Variants in LRP1B observed in about 807,000 individuals in gnomAD.
LRP1B encodes the protein low-density lipoprotein receptor-related protein 1B.
In LRP1B, 217 loss-of-function variants were observed where a neutral mutation model predicts 556.6. The observed-to-expected ratio is 0.39, with a 90% CI of 0.35 to 0.44. The LOEUF (loss-of-function observed/expected upper bound fraction) is 0.44, where lower values mean the gene tolerates loss of function less well. LRP1B is among the 20% of genes least tolerant of loss of function. The probability of loss-of-function intolerance (pLI) is 1.00; values close to 1 mark genes in which losing one functional copy is unlikely to be tolerated. For synonymous variants in LRP1B, 2,047 were observed against 1,865.8 expected, an observed-to-expected ratio of 1.10 and a Z score of -2.50; for missense variants, 5,053 against 5,620.8, an observed-to-expected ratio of 0.90 and a Z score of 3.23.
chr2:141,348,206 G>T lies in LRP1B; in HGVS notation c.344-93565C>A, dbSNP rs181979858. 1.6e-3 allele frequency among the ~76,000 whole-genome samples: 238 copies of T among 152,118 alleles called. 1 individual carries two copies. Among genetic ancestry groups the T allele is most frequent in the African/African-American group, 4.9e-3 (205 of 41,472 alleles). On this transcript the variant is annotated intron_variant, in intron 3 of 90. Transcript: ENST00000389484. ...TGTGTGGGTAAAAGGGAAATTTAGT[G>T]ACAAATATGTACCTGTAAGATTTGA...
rs189446290 is a variant in LRP1B, at chr2:141,896,864, G to T, written c.83-86463C>A. Among the ~76,000 whole-genome samples, 17 of 152,194 alleles carry T rather than the reference G, an allele frequency of 1.1e-4. 1 individual carries two copies. Among genetic ancestry groups the T allele is most frequent in the Admixed American group, 9.2e-4 (14 of 15,264 alleles). On this transcript the variant is annotated intron_variant, in intron 1 of 90. Transcript: ENST00000389484. Reference sequence around the variant, plus strand: ...ATCGAAATTGATTTGCCCCACATTGGTATCTCAGGGATGGAACTGGGCATA... The same window carrying T: ...ATCGAAATTGATTTGCCCCACATTGTTATCTCAGGGATGGAACTGGGCATA...
intron 2 of LRP1B, among the ~76,000 whole-genome samples, chr2:141,487,821 A>G (rs1046361508): frequency 2.6e-5 from 4 of 152,198 alleles, no homozygotes; most frequent in Non-Finnish European, 5.9e-5. Context: ...TACAGTGAAA[A>G]GCATGTTAAG....
chr2:141,460,479 A>C (rs905189078), intron 3 of LRP1B, among the ~76,000 whole-genome samples: 2 of 152,182 alleles, frequency 1.3e-5, no homozygotes, highest in Admixed American at 1.3e-4. Flanking sequence ...CAGGGTTTCA[A>C]CTGTCATTGG....
At chr2:141,500,356 T>C (rs1178816516) in intron 2 of LRP1B, among the ~76,000 whole-genome samples, 1 of 152,124 alleles carries the variant, frequency 6.6e-6, no homozygotes, top group Admixed American at 6.5e-5. Context: ...TTCTTTTCTG[T>C]GAAGCTCCTG....
intron 7 of LRP1B, among the ~76,000 whole-genome samples, chr2:141,129,465 A>G (rs1249259248): frequency 6.6e-6 from 1 of 152,032 alleles, no homozygotes; most frequent in Non-Finnish European, 1.5e-5. Flanking sequence ...TATGAAGACT[A>G]TACACAAAAG....
chr2:140,524,286 T>C (rs77094335), intron 49 of LRP1B, among the ~76,000 whole-genome samples: 3,872 of 151,870 alleles, frequency 0.025, 60 homozygotes, highest in Non-Finnish European at 0.038. Flanking sequence ...CATCTCATAG[T>C]AGTCAGAATG....
chr2:140,548,193 G>A (rs1680417973), intron 43 of LRP1B, among the ~76,000 whole-genome samples: 1 of 152,104 alleles, frequency 6.6e-6, no homozygotes, highest in South Asian at 2.1e-4. Context: ...GACGGGCTTG[G>A]AGAGATTTTG....
At chr2:141,254,732 T>C (rs373757) in intron 3 of LRP1B, 91 bp from the exon 4 acceptor site, 217,127 of 972,638 alleles carry the variant, frequency 0.22, 24,812 homozygotes, top group South Asian at 0.26. Flanking sequence ...ACTATAGTCT[T>C]GATTGTTCTC....
At chr2:140,519,969 T>C (rs946961293) in intron 49 of LRP1B, among the ~76,000 whole-genome samples, 1 of 152,080 alleles carries the variant, frequency 6.6e-6, no homozygotes, top group African/African-American at 2.4e-5. Flanking sequence ...AAACAACAGG[T>C]GCTGGAGAGG....
At chr2:141,704,486 A>C (rs1286738300) in intron 2 of LRP1B, among the ~76,000 whole-genome samples, 2 of 151,970 alleles carry the variant, frequency 1.3e-5, no homozygotes, top group Non-Finnish European at 2.9e-5. Flanking sequence ...TTTGAAATTT[A>C]AGATTTCAAC....
At chr2:141,831,702 A>G (rs1321935549) in intron 1 of LRP1B, among the ~76,000 whole-genome samples, 2 of 151,684 alleles carry the variant, frequency 1.3e-5, no homozygotes, top group African/African-American at 4.8e-5. Flanking sequence ...TTTGTCAGGT[A>G]TAAAATAGGA....
intron 77 of LRP1B, among the ~76,000 whole-genome samples, chr2:140,345,817 TACATATATAC>T (rs1450243205): frequency 1.5e-5 from 2 of 134,820 alleles, no homozygotes; most frequent in African/African-American, 5.5e-5. Context: ...CACATATATA[TACATATATAC>T]ATATATATAT....
rs138078093 is a variant in LRP1B at position 141,851,160 on chromosome 2, G to A, written c.83-40759C>T. On this transcript the variant is annotated intron_variant, in intron 1 of 90. Transcript: ENST00000389484. ...ATAAAAATGCATAGAAATCACTGGC[G>A]TATATTCATTTGGCAAATGTTTGAA... 5.9e-4 allele frequency among the ~76,000 whole-genome samples: 89 copies of A among 151,820 alleles called. No individual in the cohort carries two copies. The East Asian group carries it at 0.013, about 22-fold the overall frequency.
intron 7 of LRP1B, among the ~76,000 whole-genome samples, chr2:141,170,926 A>G (rs552089687): frequency 1.3e-5 from 2 of 152,144 alleles, no homozygotes; most frequent in African/African-American, 2.4e-5. Flanking sequence ...TTCTGAAATT[A>G]GTCATCTGTT....
chr2:140,882,197 C>T (rs1243561290), intron 25 of LRP1B, among the ~76,000 whole-genome samples: 4 of 152,130 alleles, frequency 2.6e-5, no homozygotes, highest in African/African-American at 9.7e-5. Context: ...AAAACCCTTA[C>T]ATCAGTAGTT....
At chr2:141,775,386 A>G (rs1695030541) in intron 2 of LRP1B, among the ~76,000 whole-genome samples, 1 of 152,166 alleles carries the variant, frequency 6.6e-6, no homozygotes. Context: ...TTTCATATAT[A>G]TGTGTGGTTC....
intron 2 of LRP1B, among the ~76,000 whole-genome samples, chr2:141,626,603 T>C (rs1034081321): frequency 2.0e-5 from 3 of 152,050 alleles, no homozygotes; most frequent in African/African-American, 7.3e-5. Flanking sequence ...CTCTTGAAAC[T>C]CAACAGTAAG....
chr2:141,471,714 T>G (rs954324352), intron 3 of LRP1B, among the ~76,000 whole-genome samples: 2 of 152,206 alleles, frequency 1.3e-5, no homozygotes, highest in African/African-American at 4.8e-5. Flanking sequence ...AATATGTCTT[T>G]CTGAATCCCT....
chr2:140,568,787 C>A (rs766844507), intron 43 of LRP1B, among the ~76,000 whole-genome samples: 48 of 152,036 alleles, frequency 3.2e-4, no homozygotes, highest in Non-Finnish European at 5.7e-4. Flanking sequence ...GCAGACTTCT[C>A]AGCTAAAACC....
Sources: allele counts gnomAD v4.1 joint callset (sites outside exome capture counted in the v4.1 genomes callset), GRCh38; gene constraint gnomAD v4.1.1; transcripts MANE v1.5; gene names NCBI Gene and HGNC (gene_info 2026-07-23, HGNC 2026-07-21).